TEP1: variants seen among roughly 807,000 people sequenced by gnomAD.
The protein encoded by TEP1 is telomerase protein component 1.
A neutral mutation model predicts 306.3 loss-of-function variants in TEP1; 241 were observed. The ratio of observed to expected loss-of-function variants is 0.79; its 90% confidence interval spans 0.71 to 0.88. TEP1 has a LOEUF of 0.88. TEP1 is among the 40% of genes least tolerant of loss of function. TEP1 has a pLI of 0.00. For synonymous variants in TEP1, 1,289 were observed against 1,305.5 expected, an observed-to-expected ratio of 0.99 and a Z score of 0.27; for missense variants, 3,051 against 3,276.1, an observed-to-expected ratio of 0.93 and a Z score of 1.68.
rs1884516098 is a variant in TEP1, at chr14:20,367,158, G to A, written c.*1279C>T. Reference sequence around the variant, plus strand: ...GTGTGCAGATAACCTGAGGTCAGGAGTTTGAGACCCACCTGGCCAACATGG... The same window carrying A: ...GTGTGCAGATAACCTGAGGTCAGGAATTTGAGACCCACCTGGCCAACATGG... On this transcript the variant is annotated 3_prime_UTR_variant, in exon 55 of 55. Transcript: ENST00000262715. The A allele has an allele frequency of 6.6e-6, 1 of 152,242 alleles. No individual in the cohort carries two copies. The highest frequency in any genetic ancestry group is 2.1e-4 in the South Asian group (1 of 4,834). The allele number at this position is 152,242 out of a possible 1,614,324, so 9.4% of individuals were successfully genotyped here. A position where few individuals can be genotyped will look rare whatever the true frequency, so the allele number is the denominator to read the frequency against.
intron 5 of TEP1, among the ~76,000 whole-genome samples, chr14:20,404,292 T>C (rs966981084): frequency 6.7e-6 from 1 of 149,288 alleles, no homozygotes; most frequent in Non-Finnish European, 1.5e-5. Context: ...GAGGCGGAGG[T>C]TGCAGTGAGC....
chr14:20,375,607 G>A, intron 43 of TEP1, 148 bp downstream of exon 43: 1 of 578,896 alleles, frequency 1.7e-6, no homozygotes, highest in Non-Finnish European at 3.1e-6. Flanking sequence ...TATGAAAAGA[G>A]CTTAGTTCAA....
Position 20,386,556 on chromosome 14 carries a change from G to T in TEP1, c.2752C>A (p.Leu918Met). 1 of 1,612,344 alleles carries T rather than the reference G, an allele frequency of 6.2e-7. No individual in the cohort carries two copies. The highest frequency in any genetic ancestry group is 8.5e-7 in the Non-Finnish European group (1 of 1,178,730). Reference protein sequence around the residue: ...RDMHGERDLLLRSVLPALQAR... With the variant: ...RDMHGERDLLMRSVLPALQAR... ...TGCAGTGCTGGCAGCACAGACCTCA[G>T]CAGCAGGTCCCGCTCCCCATGCATG... Residue 918 changes from leucine (L) to methionine (M), a missense_variant, in exon 19 of 55, where the codon CTG becomes ATG. By Grantham distance (15) the Leu-to-Met change is conservative (BLOSUM62 2). This residue lies in a region of TEP1 where 1,507 missense variants were observed against 1,550.5 expected (regional missense o/e 0.97). Coordinates refer to ENST00000262715, the MANE Select transcript of TEP1 (RefSeq NM_007110.5).
chr14:20,378,232 A>C lies in TEP1; in HGVS notation c.5513T>G (p.Leu1838Arg), dbSNP rs1328137202. 6.2e-7 allele frequency: 1 copy of C among 1,613,244 alleles called. No homozygotes were observed. The highest frequency in any genetic ancestry group is 1.3e-5 in the African/African-American group (1 of 74,852). ...QVDGLKVTKD[L>R]GAPGASIRTL... ...ACGGATAGAGGCTCCGGGTGCCCCC[A>C]GGTCCTACACAGGGAGGTAGAAATG... The change falls in exon 39 of 55, where the codon CTG (leucine) becomes CGG (arginine). Residue 1838 changes from leucine (L) to arginine (R), a missense_variant. Leu to Arg is a moderately radical substitution (Grantham distance 102). Around this residue, in one of 3 missense-constraint regions of TEP1, gnomAD observed 1,540 missense variants for 1,705.9 expected, o/e 0.90. Transcript: ENST00000262715.
In TEP1 at chr14:20,387,957, G is replaced by A. The variant is rs151109514; in HGVS notation, c.2632C>T (p.Arg878Trp). The change falls in exon 18 of 55, where the codon CGG (arginine) becomes TGG (tryptophan). Residue 878 changes from arginine to tryptophan, a missense_variant. Around this residue, in one of 3 missense-constraint regions of TEP1, gnomAD observed 1,507 missense variants for 1,550.5 expected, o/e 0.97. Coordinates refer to ENST00000262715, the MANE Select transcript of TEP1 (RefSeq NM_007110.5). ...CTTGGAGTGTCCTCTTCCAGTGGCC[G>A]GAGAGACTGGACCCCTGTCTTTCCT... ...PPGKTGVQSLRPLEEDTPSPL... is the reference protein window; with the variant it reads ...PPGKTGVQSLWPLEEDTPSPL... The A allele has an allele frequency of 2.7e-5, 43 of 1,613,896 alleles. No homozygotes were observed. Among genetic ancestry groups the A allele is most frequent in the African/African-American group, 1.2e-4 (9 of 74,924 alleles).
chr14:20,368,350 T>C lies in TEP1; in HGVS notation c.*87A>G. ...ATTTTTATAATTATCAAGAAATTAT[T>C]AATTTTATAATTATTAAAAGCTACC... On this transcript the variant is annotated 3_prime_UTR_variant, in exon 55 of 55. Coordinates refer to ENST00000262715, the MANE Select transcript of TEP1 (RefSeq NM_007110.5). The C allele has an allele frequency of 1.4e-6, 2 of 1,416,808 alleles. No homozygotes were observed. Among genetic ancestry groups the C allele is most frequent in the Non-Finnish European group, 1.9e-6 (2 of 1,054,662 alleles). The allele number at this position is 1,416,808 out of a possible 1,614,324, so 87.8% of individuals were successfully genotyped here. A position where few individuals can be genotyped will look rare whatever the true frequency, so the allele number is the denominator to read the frequency against.
intron 10 of TEP1, 108 bp from the exon 11 acceptor site, chr14:20,396,057 A>G: frequency 1.4e-6 from 1 of 692,852 alleles, no homozygotes; most frequent in South Asian, 2.4e-5. Context: ...GACAAAATGA[A>G]CTTAGACAAG....
At chr14:20,388,914 C>G (rs937302733) in intron 17 of TEP1, among the ~76,000 whole-genome samples, 7 of 152,172 alleles carry the variant, frequency 4.6e-5, no homozygotes, top group Non-Finnish European at 1.0e-4. Flanking sequence ...CTTTGGGAGG[C>G]TGAGGTGGGT....
intron 41 of TEP1, 37 bp downstream of exon 41, chr14:20,377,243 C>G (rs762490163): frequency 6.9e-7 from 1 of 1,455,134 alleles, no homozygotes; most frequent in East Asian, 2.3e-5. Context: ...AAGAAAAGAA[C>G]AGTAATTTGT....
chr14:20,409,946 A>T (rs979920340), intron 1 of TEP1, among the ~76,000 whole-genome samples: 1 of 140,938 alleles, frequency 7.1e-6, no homozygotes, highest in Non-Finnish European at 1.5e-5. Context: ...GGCGTGAACC[A>T]GGGAGGCGGA....
At chr14:20,376,444 T>A (rs1234943637) in intron 41 of TEP1, among the ~76,000 whole-genome samples, 180 bp from the exon 42 acceptor site, 1 of 151,832 alleles carries the variant, frequency 6.6e-6, no homozygotes, top group Non-Finnish European at 1.5e-5. Flanking sequence ...CATCAGCGAG[T>A]GTGTACATAG....
chr14:20,390,674 T>C lies in TEP1; in HGVS notation c.2334+7A>G. On this transcript the variant is annotated splice_region_variant and intron_variant, in intron 15 of 54. Transcript: ENST00000262715. ...AGGGAGAGGGTTTCTCAGGGATTAA[T>C]ACTCACAGGAACCCTTTGGCCAGCC... is the stretch of plus-strand genomic sequence containing the variant. 6.2e-7 allele frequency: 1 copy of C among 1,613,618 alleles called. No individual in the cohort carries two copies. Among genetic ancestry groups the C allele is most frequent in the Non-Finnish European group, 8.5e-7 (1 of 1,179,528 alleles).
intron 7 of TEP1, among the ~76,000 whole-genome samples, chr14:20,402,531 G>C (rs1878837464): frequency 6.6e-6 from 1 of 152,154 alleles, no homozygotes; most frequent in Admixed American, 6.5e-5. Context: ...GGAATTGTTA[G>C]AAATACTTTA....
In TEP1 at chr14:20,371,261, A is replaced by C; in HGVS notation, c.7274T>G (p.Ile2425Arg). 1 of 1,614,224 alleles carries C rather than the reference A, an allele frequency of 6.2e-7. No homozygotes were observed. Among genetic ancestry groups the C allele is most frequent in the Non-Finnish European group, 8.5e-7 (1 of 1,180,036 alleles). Residue 2425 changes from isoleucine to arginine, a missense_variant, in exon 51 of 55, where the codon ATA (isoleucine) becomes AGA (arginine). Around this residue, in one of 3 missense-constraint regions of TEP1, gnomAD observed 1,540 missense variants for 1,705.9 expected, o/e 0.90. Transcript: ENST00000262715. ...AGGATCCTTGGGCTGCAGGACAAAT[A>C]TGCCATACTCCTTGTGGGTGGACAA... ...MILSTHKEYG[I>R]FVLQPKDPGV...
rs1232842708 is a variant in TEP1, at chr14:20,368,283, G to A, written c.*154C>T. 2 of 775,546 alleles carry A rather than the reference G, an allele frequency of 2.6e-6. No individual in the cohort carries two copies. The highest frequency in any genetic ancestry group is 2.8e-5 in the East Asian group (1 of 35,526). 48.0% of individuals were successfully genotyped at this position (775,546 alleles called of 1,614,324 possible). The stretch of plus-strand genomic sequence containing the variant: ...ATATCCTCCTGTTCTAAATCCACAT[G>A]AGAACACAGGCAGGCCTACACTTGA... On this transcript the variant is annotated 3_prime_UTR_variant, in exon 55 of 55. Coordinates refer to ENST00000262715, the MANE Select transcript of TEP1 (RefSeq NM_007110.5).
rs1244722612 is a variant in TEP1 at position 20,373,105 on chromosome 14, A to G, written c.6857T>C (p.Val2286Ala). 2.5e-6 allele frequency: 4 copies of G among 1,614,114 alleles called. No individual in the cohort carries two copies. The African/African-American group carries it at 5.3e-5, about 22-fold the overall frequency. Residue 2286 changes from valine to alanine, a missense_variant, in exon 48 of 55, where the codon GTG (valine) becomes GCG (alanine). Val to Ala is a moderately conservative substitution (Grantham distance 64, BLOSUM62 0). Coordinates refer to ENST00000262715, the MANE Select transcript of TEP1 (RefSeq NM_007110.5). ...CATGGAACCATCTGGTGCCCAAGCCACAGCAGTGACGGCTGCAGAACTCCT... is the reference window on the plus strand; with the variant it reads ...CATGGAACCATCTGGTGCCCAAGCCGCAGCAGTGACGGCTGCAGAACTCCT... ...IPRSSAAVTAVAWAPDGSMAV... is the reference protein window; with the variant it reads ...IPRSSAAVTAAAWAPDGSMAV...
In TEP1 at chr14:20,366,895, C is replaced by T. The variant is rs183284244; in HGVS notation, c.*1542G>A. 1 of 152,304 alleles carries T rather than the reference C, an allele frequency of 6.6e-6. No homozygotes were observed. Among genetic ancestry groups the T allele is most frequent in the African/African-American group, 2.4e-5 (1 of 41,570 alleles). The allele number at this position is 152,304 out of a possible 1,614,324, so 9.4% of individuals were successfully genotyped here. A position where few individuals can be genotyped will look rare whatever the true frequency, so the allele number is the denominator to read the frequency against. ...AGTGGTTTCAATCTTTTGCCTTTTG[C>T]TCTCCTAAAAGCATGGGCCAAGGGC... On this transcript the variant is annotated 3_prime_UTR_variant, in exon 55 of 55. Coordinates refer to ENST00000262715, the MANE Select transcript of TEP1 (RefSeq NM_007110.5).
At chr14:20,384,568 T>C in intron 22 of TEP1, 32 bp downstream of exon 22, 1 of 1,613,564 alleles carries the variant, frequency 6.2e-7, no homozygotes, top group Non-Finnish European at 8.5e-7. Context: ...ACCACATCTC[T>C]GTACAGGTGC....
In TEP1 at chr14:20,390,420, C is replaced by T. The variant is rs77761240; in HGVS notation, c.2334+261G>A. 7.2e-4 allele frequency among the ~76,000 whole-genome samples: 109 copies of T among 152,284 alleles called. No individual in the cohort carries two copies. In the East Asian group the frequency reaches 0.016, roughly 22 times the overall value. On this transcript the variant is annotated intron_variant, in intron 15 of 54. Transcript: ENST00000262715. ...AACTCTATGTTCAGTAGCATCATGT[C>T]GATAGCTTGAAATCAGCCACGGTAG...
Sources: gnomAD v4.1 joint callset for allele counts (sites outside exome capture counted in the v4.1 genomes callset) on GRCh38, gnomAD v4.1.1 for gene constraint, gnomAD v4.1.1 regional missense constraint, MANE v1.5 for transcripts, NCBI Gene and HGNC (gene_info 2026-07-23, HGNC 2026-07-21) for gene names.